ITPR2: variants seen among roughly 807,000 people sequenced by gnomAD.
The protein encoded by ITPR2 is inositol 1,4,5-trisphosphate receptor type 2, also known as inositol 1,4,5-trisphosphate-gated calcium channel ITPR2.
Under a neutral mutation model 317.1 loss-of-function variants are expected in ITPR2, and 207 were observed. That is an observed-to-expected ratio of 0.65 (90% CI 0.58 to 0.73). The LOEUF (loss-of-function observed/expected upper bound fraction) is 0.73, where lower values mean the gene tolerates loss of function less well. ITPR2 is among the 30% of genes least tolerant of loss of function. The pLI is 0.00. For synonymous variants in ITPR2, 1,156 were observed against 1,149.1 expected, an observed-to-expected ratio of 1.01 and a Z score of -0.12; for missense variants, 2,613 against 3,284.0, an observed-to-expected ratio of 0.80 and a Z score of 4.99.
intron 3 of ITPR2, among the ~76,000 whole-genome samples, chr12:26,725,236 G>A (rs978894008): frequency 1.3e-5 from 2 of 152,144 alleles, no homozygotes; most frequent in Admixed American, 1.3e-4. Context: ...GAATTTTAAT[G>A]AGGCAAAATT....
At chr12:26,717,741 C>T (rs376265718) in intron 5 of ITPR2, among the ~76,000 whole-genome samples, 4 of 152,080 alleles carry the variant, frequency 2.6e-5, no homozygotes, top group African/African-American at 4.8e-5. Context: ...GAGTAGAAAT[C>T]GGACAGATGG....
At chr12:26,627,236 C>T (rs1249682165) in intron 23 of ITPR2, 1 of 152,214 alleles carries the variant, frequency 6.6e-6, no homozygotes, top group African/African-American at 2.4e-5. Flanking sequence ...CAGGCAACGG[C>T]TTCTCTTCAA....
chr12:26,586,200 A>C (rs1945522487), intron 32 of ITPR2, among the ~76,000 whole-genome samples: 2 of 152,082 alleles, frequency 1.3e-5, no homozygotes, highest in African/African-American at 4.8e-5. Flanking sequence ...GCTGGAGTGC[A>C]GGGGCATGAT....
chr12:26,481,278 C>A, intron 42 of ITPR2, 37 bp from the exon 43 acceptor site: 1 of 1,229,552 alleles, frequency 8.1e-7, no homozygotes, highest in South Asian at 1.2e-5. Flanking sequence ...TCATTTTATT[C>A]ACAACAGAAT....
intron 32 of ITPR2, among the ~76,000 whole-genome samples, chr12:26,592,477 G>T (rs889888775): frequency 6.6e-6 from 1 of 152,256 alleles, no homozygotes. Context: ...ACCTTGATGT[G>T]TTCATTACAC....
intron 37 of ITPR2, among the ~76,000 whole-genome samples, chr12:26,505,032 G>A (rs1591837446): frequency 1.3e-5 from 2 of 152,282 alleles, no homozygotes; most frequent in African/African-American, 4.8e-5. Flanking sequence ...GGGGAGGCCA[G>A]AACACATATG....
chr12:26,651,838 G>C (rs1947262563), intron 21 of ITPR2, among the ~76,000 whole-genome samples: 1 of 152,150 alleles, frequency 6.6e-6, no homozygotes, highest in Non-Finnish European at 1.5e-5. Flanking sequence ...GTCGGTGGAG[G>C]AGTGGTATGT....
At chr12:26,638,886 G>A (rs2136855357) in intron 21 of ITPR2, among the ~76,000 whole-genome samples, 1 of 152,292 alleles carries the variant, frequency 6.6e-6, no homozygotes, top group Middle Eastern at 3.4e-3. Flanking sequence ...ACCAACTCAA[G>A]TACATGATGT....
At chr12:26,539,586 T>C (rs1430786466) in intron 37 of ITPR2, among the ~76,000 whole-genome samples, 2 of 152,188 alleles carry the variant, frequency 1.3e-5, no homozygotes, top group African/African-American at 4.8e-5. Flanking sequence ...GGCCTTCAGA[T>C]TTGGTCATCA....
chr12:26,344,492 G>T (rs552157813), intron 55 of ITPR2, among the ~76,000 whole-genome samples: 1 of 152,298 alleles, frequency 6.6e-6, no homozygotes, highest in East Asian at 1.9e-4. Context: ...CACAGATAGT[G>T]TGTGAGCATT....
At chr12:26,748,671 T>C (rs1592093537) in intron 2 of ITPR2, among the ~76,000 whole-genome samples, 1 of 152,360 alleles carries the variant, frequency 6.6e-6, no homozygotes, top group Non-Finnish European at 1.5e-5. Flanking sequence ...GTGAGAATTA[T>C]GATGGTTATC....
At position 26,556,792 on chromosome 12, in the gene ITPR2, A is replaced by AGAT. The variant is rs1555155254; in HGVS notation, c.4822-418_4822-417insATC. Among the ~76,000 whole-genome samples the AGAT allele has an allele frequency of 7.1e-3, 1,042 of 145,912 alleles. 18 individuals carry two copies. The highest frequency in any genetic ancestry group is 0.019 in the African/African-American group (754 of 39,892). On this transcript the variant is annotated intron_variant, in intron 35 of 56. Transcript: ENST00000381340. ...CAGCTTAAAAAAAAAAAAAAAAAAA[A>AGAT]TTCCAGCCAGGTGCGGTGCCTCACG...
At chr12:26,522,058 T>C (rs1052097710) in intron 37 of ITPR2, among the ~76,000 whole-genome samples, 1 of 152,226 alleles carries the variant, frequency 6.6e-6, no homozygotes, top group African/African-American at 2.4e-5. Flanking sequence ...ATGTCTATTC[T>C]AGCAAGATAT....
intron 35 of ITPR2, among the ~76,000 whole-genome samples, chr12:26,557,370 C>T (rs934940110): frequency 1.1e-4 from 16 of 152,182 alleles, no homozygotes; most frequent in African/African-American, 3.9e-4. Context: ...ATTGATTACT[C>T]TAAGCAGAGG....
intron 37 of ITPR2, among the ~76,000 whole-genome samples, chr12:26,516,919 CATATACAT>C (rs1943537871): frequency 6.6e-6 from 1 of 151,854 alleles, no homozygotes; most frequent in Non-Finnish European, 1.5e-5. Context: ...GAAGACTCAG[CATATACAT>C]AATTGGAGAT....
At chr12:26,426,476 A>G (rs1049906968) in intron 49 of ITPR2, among the ~76,000 whole-genome samples, 2 of 152,112 alleles carry the variant, frequency 1.3e-5, no homozygotes, top group Non-Finnish European at 2.9e-5. Flanking sequence ...AGAAACATGG[A>G]GCTGGGAAGG....
intron 45 of ITPR2, among the ~76,000 whole-genome samples, chr12:26,467,232 C>T (rs2136800138): frequency 6.6e-6 from 1 of 152,188 alleles, no homozygotes; most frequent in East Asian, 1.9e-4. Context: ...TTATTAGAAA[C>T]AGAATTTTTA....
Position 26,352,837 on chromosome 12 carries a change from G to A in ITPR2, c.7858-12509C>T, listed in dbSNP as rs567300883. On this transcript the variant is annotated intron_variant, in intron 55 of 56. Coordinates refer to ENST00000381340, the MANE Select transcript of ITPR2 (RefSeq NM_002223.4). ...CTCTCAGAGAAGAGAACTGGGTTGC[G>A]CCATTTGTAAGGACCAATGGTGCAC... 4.4e-3 allele frequency among the ~76,000 whole-genome samples: 664 copies of A among 152,284 alleles called. 3 individuals carry two copies. The highest frequency in any genetic ancestry group is 8.7e-3 in the South Asian group (42 of 4,816).
chr12:26,821,278 T>G (rs149886905), intron 1 of ITPR2, among the ~76,000 whole-genome samples: 6 of 152,212 alleles, frequency 3.9e-5, no homozygotes, highest in Non-Finnish European at 8.8e-5. Flanking sequence ...AGGCAGAAAT[T>G]GGAGCCCTGC....
Sources: gnomAD v4.1 joint callset for allele counts (sites outside exome capture counted in the v4.1 genomes callset) on GRCh38, gnomAD v4.1.1 for gene constraint, MANE v1.5 for transcripts, NCBI Gene and HGNC (gene_info 2026-07-23, HGNC 2026-07-21) for gene names.